The following GGNBP2 variants were observed in gnomAD, a reference collection of about 807,000 sequenced individuals.
GGNBP2 encodes the protein gametogenetin-binding protein 2.
In GGNBP2, 10 loss-of-function variants were observed where a neutral mutation model predicts 85.9. That is an observed-to-expected ratio of 0.12 (90% CI 0.07 to 0.20). GGNBP2 has a LOEUF of 0.20. Among genes scored for constraint, GGNBP2 ranks in the 10% least tolerant of loss-of-function variants. The pLI is 1.00. For synonymous variants in GGNBP2, 287 were observed against 285.7 expected, an observed-to-expected ratio of 1.00 and a Z score of -0.05; for missense variants, 595 against 857.8, an observed-to-expected ratio of 0.69 and a Z score of 3.83.
Position 36,545,750 on chromosome 17 carries a change from G to T in GGNBP2, c.26G>T (p.Arg9Met). Residue 9 changes from arginine (R) to methionine (M), a missense_variant, in exon 2 of 14, where the codon AGG (arginine) becomes ATG (methionine). Arg to Met is a moderately conservative substitution (Grantham distance 91). Around this residue, in one of 9 missense-constraint regions of GGNBP2, gnomAD observed 216 missense variants for 293.4 expected, o/e 0.74. Transcript: ENST00000613102. ...ATGGCGCGACTCGTGGCAGTGTGCA[G>T]GGACGGGGAGGAGGAGTTCCCCTTC... MARLVAVC[R>M]DGEEEFPFER... 1 of 1,582,130 alleles carries T rather than the reference G, an allele frequency of 6.3e-7. No individual in the cohort carries two copies. The highest frequency in any genetic ancestry group is 1.8e-5 in the Admixed American group (1 of 55,440).
intron 2 of GGNBP2, among the ~76,000 whole-genome samples, chr17:36,549,440 A>C (rs1319020021): frequency 1.3e-5 from 2 of 152,208 alleles, no homozygotes; most frequent in Non-Finnish European, 2.9e-5. Context: ...TCCTGACCTC[A>C]GGTCATCTGT....
rs537112490 is a variant in GGNBP2, at chr17:36,561,662, C to T, written c.527+791C>T. ...TTTTTTGAGATGGAGTCTCCTCTGT[C>T]GCCCAGGCTGGAGTGCAGTGGCGTC... On this transcript the variant is annotated intron_variant, in intron 5 of 13. Coordinates refer to ENST00000613102, the MANE Select transcript of GGNBP2 (RefSeq NM_024835.5). Among the ~76,000 whole-genome samples, 26 of 151,362 alleles carry T rather than the reference C, an allele frequency of 1.7e-4. No homozygotes were observed. The South Asian group carries it at 4.6e-3, about 27-fold the overall frequency.
At chr17:36,558,278 G>A (rs900818476) in intron 4 of GGNBP2, among the ~76,000 whole-genome samples, 1 of 150,918 alleles carries the variant, frequency 6.6e-6, no homozygotes, top group Non-Finnish European at 1.5e-5. Flanking sequence ...AGCCAGGAGT[G>A]GTGGCGGGTC....
chr17:36,560,420 T>A (rs1015947822), intron 4 of GGNBP2, among the ~76,000 whole-genome samples: 1 of 152,226 alleles, frequency 6.6e-6, no homozygotes, highest in Non-Finnish European at 1.5e-5. Flanking sequence ...GTGAGGTTTT[T>A]ATATATTTTT....
At chr17:36,575,648 A>ATT (rs71274856) in intron 6 of GGNBP2, among the ~76,000 whole-genome samples, 820 of 54,824 alleles carry the variant, frequency 0.015, 45 homozygotes, top group South Asian at 0.023. Context: ...ATATATATAT[A>ATT]TTTTTTTTTT....
chr17:36,575,631 TATATATATATA>T (rs2074570246), intron 6 of GGNBP2, among the ~76,000 whole-genome samples: 34 of 45,422 alleles, frequency 7.5e-4, no homozygotes, highest in African/African-American at 3.3e-3. Flanking sequence ...TATATATATA[TATATATATATA>T]TATATATTTT....
chr17:36,570,510 G>T (rs554090581), intron 6 of GGNBP2, among the ~76,000 whole-genome samples: 2 of 152,192 alleles, frequency 1.3e-5, no homozygotes, highest in Non-Finnish European at 2.9e-5. Flanking sequence ...GACCAGCCTG[G>T]TCAACATGGG....
intron 9 of GGNBP2, among the ~76,000 whole-genome samples, 166 bp from the exon 10 acceptor site, chr17:36,585,134 G>A (rs543022298): frequency 2.0e-5 from 3 of 152,110 alleles, no homozygotes; most frequent in Non-Finnish European, 4.4e-5. Flanking sequence ...TTGTGCTAAG[G>A]ACTAATATCT....
At position 36,546,475 on chromosome 17, in the gene GGNBP2, A is replaced by AT. The variant is rs1251372222; in HGVS notation, c.93+659dup. The AT allele has an allele frequency of 5.3e-5, 8 of 152,260 alleles. No individual in the cohort carries two copies. In the East Asian group the frequency reaches 1.5e-3, roughly 29 times the overall value. 9.4% of individuals were successfully genotyped at this position (152,260 alleles called of 1,614,324 possible). The stretch of plus-strand genomic sequence containing the variant: ...TTTTTAAAGGAAGCCAAATTATTGA[A>AT]TGTGTAAGAGTACTATAAAAAGCTG... On this transcript the variant is annotated intron_variant, in intron 2 of 13. Transcript: ENST00000613102.
chr17:36,546,731 G>A (rs1342113043), intron 2 of GGNBP2: 1 of 152,218 alleles, frequency 6.6e-6, no homozygotes, highest in South Asian at 2.1e-4. Flanking sequence ...TGATGCTGAA[G>A]CTTTGGATTA....
In GGNBP2 at chr17:36,589,492, T is replaced by C. The variant is rs765746718; in HGVS notation, c.*81T>C. On this transcript the variant is annotated 3_prime_UTR_variant, in exon 14 of 14. Coordinates refer to ENST00000613102, the MANE Select transcript of GGNBP2 (RefSeq NM_024835.5). ...CTCTTTCGAAAAACTCTTAATTTAGTGACTTATGGCAAAATTTTATCTTAA... is the reference window on the plus strand; with the variant it reads ...CTCTTTCGAAAAACTCTTAATTTAGCGACTTATGGCAAAATTTTATCTTAA... 38 of 1,061,258 alleles carry C rather than the reference T, an allele frequency of 3.6e-5. No homozygotes were observed. The highest frequency in any genetic ancestry group is 2.2e-4 in the South Asian group (16 of 73,128). 65.7% of individuals were successfully genotyped at this position (1,061,258 alleles called of 1,614,324 possible).
At chr17:36,549,792 A>C (rs1478682742) in intron 2 of GGNBP2, among the ~76,000 whole-genome samples, 1 of 152,166 alleles carries the variant, frequency 6.6e-6, no homozygotes, top group Non-Finnish European at 1.5e-5. Context: ...AGTTTTTGCT[A>C]TGAATAAACT....
At chr17:36,558,862 G>A (rs1445438237) in intron 4 of GGNBP2, among the ~76,000 whole-genome samples, 2 of 152,004 alleles carry the variant, frequency 1.3e-5, no homozygotes, top group African/African-American at 2.4e-5. Context: ...CCTCTGTATT[G>A]AGAATGAATG....
At position 36,548,181 on chromosome 17, in the gene GGNBP2, A is replaced by G. The variant is rs371151330; in HGVS notation, c.93+2364A>G. 7.2e-5 allele frequency among the ~76,000 whole-genome samples: 11 copies of G among 152,358 alleles called. No individual in the cohort carries two copies. The South Asian group carries it at 1.0e-3, about 14-fold the overall frequency. ...TAGTCTTAGGATTTTGATAGTAGCT[A>G]AATGTTGCAATATAGTTACAATGTT... On this transcript the variant is annotated intron_variant, in intron 2 of 13. Coordinates refer to ENST00000613102, the MANE Select transcript of GGNBP2 (RefSeq NM_024835.5).
Position 36,586,039 on chromosome 17 carries a change from G to A in GGNBP2, c.1493-11G>A, listed in dbSNP as rs774539231. The A allele has an allele frequency of 6.2e-7, 1 of 1,613,608 alleles. No homozygotes were observed. Among genetic ancestry groups the A allele is most frequent in the South Asian group, 1.1e-5 (1 of 91,044 alleles). ...AAGAACATAAATAAGAAGGATTATT[G>A]ATTTCTGCAGGTGATGACTCTTGTG... On this transcript the variant is annotated splice_polypyrimidine_tract_variant and intron_variant, in intron 11 of 13. Coordinates refer to ENST00000613102, the MANE Select transcript of GGNBP2 (RefSeq NM_024835.5).
chr17:36,587,293 G>T (rs1194268541), intron 13 of GGNBP2, 48 bp downstream of exon 13: 1 of 1,592,506 alleles, frequency 6.3e-7, no homozygotes, highest in African/African-American at 1.3e-5. Flanking sequence ...TGGGAACGGG[G>T]TGGATGTGGG....
Position 36,579,382 on chromosome 17 carries a change from T to C in GGNBP2, c.983T>C (p.Phe328Ser). The part of the protein sequence containing the change: ...RAEEQTWQML[F>S]YLGVDALRKS... ...GAAGAGCAGACATGGCAGATGCTTT[T>C]CTATCTTGGTGTTGATGCTTTACGC... is the stretch of plus-strand genomic sequence containing the variant. Residue 328 changes from phenylalanine to serine, a missense_variant, in exon 8 of 14, where the codon TTC becomes TCC. This residue lies in a region of GGNBP2 where 92 missense variants were observed against 183.9 expected (regional missense o/e 0.50). Coordinates refer to ENST00000613102, the MANE Select transcript of GGNBP2 (RefSeq NM_024835.5). 6.2e-7 allele frequency: 1 copy of C among 1,614,224 alleles called. No individual in the cohort carries two copies. The highest frequency in any genetic ancestry group is 8.5e-7 in the Non-Finnish European group (1 of 1,180,030).
chr17:36,552,785 C>T lies in GGNBP2; in HGVS notation c.94-2035C>T, dbSNP rs1005544138. Among the ~76,000 whole-genome samples the T allele has an allele frequency of 2.0e-5, 3 of 152,152 alleles. No homozygotes were observed. In the South Asian group the frequency reaches 6.2e-4, roughly 31 times the overall value. ...CCTGTAATCCCAGCACTTTGGGAGT[C>T]CGAGGCAGGCAGATTGCCTGAGCTC... On this transcript the variant is annotated intron_variant, in intron 2 of 13. Transcript: ENST00000613102.
chr17:36,564,024 C>T (rs993796565), intron 5 of GGNBP2, among the ~76,000 whole-genome samples: 2 of 152,204 alleles, frequency 1.3e-5, no homozygotes, highest in Admixed American at 6.5e-5. Context: ...GATTAACAGG[C>T]GTGAGCCACG....
Sources: gnomAD v4.1 joint callset for allele counts (sites outside exome capture counted in the v4.1 genomes callset) on GRCh38, gnomAD v4.1.1 for gene constraint, gnomAD v4.1.1 regional missense constraint, MANE v1.5 for transcripts, NCBI Gene and HGNC (gene_info 2026-07-23, HGNC 2026-07-21) for gene names.